Variants in PKHD1 observed in about 807,000 individuals in gnomAD.
PKHD1 encodes fibrocystin.
A neutral mutation model predicts 412.0 loss-of-function variants in PKHD1; 291 were observed. The ratio of observed to expected loss-of-function variants is 0.71; its 90% CI spans 0.64 to 0.78. PKHD1 has a LOEUF of 0.78. PKHD1 is among the 30% of genes least tolerant of loss of function. PKHD1 has a pLI of 0.00. For missense variants in PKHD1, 4,825 were observed against 4,950.7 expected (o/e 0.97, Z 0.76); for synonymous variants, 1,777 against 1,821.5 (o/e 0.98, Z 0.62).
intron 52 of PKHD1, among the ~76,000 whole-genome samples, chr6:51,829,818 A>G (rs573313426): frequency 6.6e-6 from 1 of 152,242 alleles, no homozygotes; most frequent in East Asian, 1.9e-4. Flanking sequence ...TAGAAAGGGA[A>G]TGTGCGTTAT....
chr6:51,997,318 G>A (rs1022789464), intron 35 of PKHD1, among the ~76,000 whole-genome samples: 1 of 152,248 alleles, frequency 6.6e-6, no homozygotes, highest in Admixed American at 6.5e-5. Context: ...TGACTCCTTA[G>A]TTTTCCTGTG....
At chr6:52,014,034 G>A (rs1389807762) in intron 34 of PKHD1, among the ~76,000 whole-genome samples, 1 of 152,194 alleles carries the variant, frequency 6.6e-6, no homozygotes, top group Admixed American at 6.5e-5. Flanking sequence ...GCTTGACTGT[G>A]TGACTTTGGG....
chr6:51,981,335 C>G (rs570711872), intron 35 of PKHD1, among the ~76,000 whole-genome samples: 65 of 55,668 alleles, frequency 1.2e-3, no homozygotes, highest in African/African-American at 2.1e-3. Flanking sequence ...CTCCCTCTCC[C>G]TCTCCCTCTC....
intron 64 of PKHD1, among the ~76,000 whole-genome samples, chr6:51,633,696 C>CTA (rs1379412930): frequency 6.6e-6 from 1 of 152,044 alleles, no homozygotes; most frequent in African/African-American, 2.4e-5. Flanking sequence ...AAAGACAAAA[C>CTA]TATAGAGTTA....
chr6:51,669,758 G>A (rs1371588101), intron 60 of PKHD1, among the ~76,000 whole-genome samples: 85 of 132,590 alleles, frequency 6.4e-4, no homozygotes, highest in African/African-American at 2.1e-3. Context: ...CTTTGTTCTC[G>A]TTGGTTTCAA....
intron 43 of PKHD1, among the ~76,000 whole-genome samples, chr6:51,899,455 A>G (rs1204962002): frequency 2.0e-5 from 3 of 152,186 alleles, no homozygotes; most frequent in African/African-American, 7.2e-5. Context: ...GGCCTTTGAC[A>G]AAATTCAACA....
chr6:52,047,515 C>A (rs549930936), intron 23 of PKHD1, among the ~76,000 whole-genome samples: 1 of 152,316 alleles, frequency 6.6e-6, no homozygotes, highest in South Asian at 2.1e-4. Context: ...ATTATCACTT[C>A]TAATCTTTGT....
At chr6:52,035,566 A>C in intron 28 of PKHD1, 25 bp downstream of exon 28, 2 of 1,608,830 alleles carry the variant, frequency 1.2e-6, no homozygotes, top group Non-Finnish European at 8.5e-7. Context: ...CCAGAGAGAA[A>C]GAGATATGAA....
chr6:52,067,426 C>A (rs976783704), intron 11 of PKHD1, among the ~76,000 whole-genome samples: 2 of 152,080 alleles, frequency 1.3e-5, no homozygotes, highest in African/African-American at 4.8e-5. Flanking sequence ...TCAACATTCA[C>A]AGAGCACCTA....
chr6:51,662,481 C>T (rs1401549249), intron 60 of PKHD1, among the ~76,000 whole-genome samples: 1 of 151,442 alleles, frequency 6.6e-6, no homozygotes, highest in Non-Finnish European at 1.5e-5. Context: ...TCAATTATGC[C>T]TCATAAAAGC....
At chr6:51,755,986 G>A (rs1055760749) in intron 55 of PKHD1, among the ~76,000 whole-genome samples, 9 of 151,896 alleles carry the variant, frequency 5.9e-5, no homozygotes, top group African/African-American at 2.2e-4. Flanking sequence ...AATACCATGG[G>A]AGTACATATT....
At chr6:51,986,066 G>A (rs76322278) in intron 35 of PKHD1, among the ~76,000 whole-genome samples, 15 of 152,250 alleles carry the variant, frequency 9.9e-5, no homozygotes, top group Admixed American at 2.6e-4. Flanking sequence ...AGGTAAAAAC[G>A]TAATGGGATT....
intron 14 of PKHD1, among the ~76,000 whole-genome samples, chr6:52,061,665 T>G (rs971373218): frequency 1.6e-4 from 23 of 147,924 alleles, no homozygotes; most frequent in African/African-American, 5.4e-4. Flanking sequence ...TGCCATTACC[T>G]TCAACGGTAA....
intron 60 of PKHD1, among the ~76,000 whole-genome samples, chr6:51,676,526 CA>C (rs1225788078): frequency 6.6e-6 from 1 of 152,030 alleles, no homozygotes; most frequent in African/African-American, 2.4e-5. Context: ...TTGACAAAAA[CA>C]AAATATATAC....
chr6:51,753,154 G>A (rs1244651685), intron 57 of PKHD1, 47 bp downstream of exon 57: 1 of 1,552,168 alleles, frequency 6.4e-7, no homozygotes, highest in African/African-American at 1.4e-5. Context: ...TGTCCCAGAT[G>A]AATAGGCTCC....
At chr6:51,812,100 C>G (rs939223759) in intron 52 of PKHD1, among the ~76,000 whole-genome samples, 4 of 152,124 alleles carry the variant, frequency 2.6e-5, no homozygotes, top group Non-Finnish European at 5.9e-5. Context: ...ATGAGACACA[C>G]CTGGATTTAC....
chr6:51,670,807 A>G (rs1419403864), intron 60 of PKHD1, among the ~76,000 whole-genome samples: 1 of 150,324 alleles, frequency 6.7e-6, no homozygotes, highest in Non-Finnish European at 1.5e-5. Context: ...TCACTGATGA[A>G]GCTTAGTTTG....
chr6:52,010,097 G>A (rs748984228), intron 35 of PKHD1, among the ~76,000 whole-genome samples: 2 of 152,008 alleles, frequency 1.3e-5, no homozygotes, highest in Admixed American at 6.6e-5. Context: ...GAAAGAGCCC[G>A]GGCAACACTC....
chr6:51,982,187 G>T (rs1481226344), intron 35 of PKHD1, among the ~76,000 whole-genome samples: 1 of 44,454 alleles, frequency 2.2e-5, no homozygotes, highest in Admixed American at 3.1e-4. Flanking sequence ...GAGGGAGGTG[G>T]GGGGGTCAGC....
Sources: gnomAD v4.1 joint callset for allele counts (sites outside exome capture counted in the v4.1 genomes callset) on GRCh38, gnomAD v4.1.1 for gene constraint, MANE v1.5 for transcripts, NCBI Gene and HGNC (gene_info 2026-07-23, HGNC 2026-07-21) for gene names.